Variants in ATXN7 observed in about 807,000 individuals in gnomAD.
ATXN7 encodes the protein ataxin-7.
Under a neutral mutation model 70.5 loss-of-function variants are expected in ATXN7, and 12 were observed. The ratio of observed to expected loss-of-function variants is 0.17; its 90% CI spans 0.11 to 0.28. The LOEUF (loss-of-function observed/expected upper bound fraction) is 0.28, where lower values mean the gene tolerates loss of function less well. ATXN7 is among the 10% of genes least tolerant of loss of function. The pLI is 1.00. For synonymous variants in ATXN7, 498 were observed against 448.7 expected (o/e 1.11, Z -1.39); for missense variants, 1,256 against 1,131.7 (o/e 1.11, Z -1.58).
intron 2 of ATXN7, among the ~76,000 whole-genome samples, chr3:63,907,154 A>C (rs1703864016): frequency 6.6e-6 from 1 of 152,116 alleles, no homozygotes; most frequent in Admixed American, 6.5e-5. Context: ...CTCTTGTTTT[A>C]CTCATTTTAT....
intron 12 of ATXN7, chr3:63,997,725 G>A (rs374711952): frequency 5.4e-5 from 83 of 1,549,422 alleles, no homozygotes; most frequent in Non-Finnish European, 5.6e-5. Context: ...CCCCTTCCTC[G>A]TCTTCAGAAC....
intron 12 of ATXN7, chr3:63,998,682 A>G (rs1328078977): frequency 1.0e-6 from 1 of 985,102 alleles, no homozygotes. Context: ...TCAAAGGATC[A>G]TTGAACCCCA....
intron 9 of ATXN7, among the ~76,000 whole-genome samples, chr3:63,988,909 A>C (rs1215822155): frequency 6.6e-6 from 1 of 152,200 alleles, no homozygotes; most frequent in Admixed American, 6.5e-5. Flanking sequence ...TACATACTGA[A>C]CCAAGTTGAA....
At chr3:63,982,058 TTCCAAGAGGCTGGCCC>T (rs60319950) in intron 6 of ATXN7, 112 bp from the exon 7 acceptor site, 22,339 of 1,302,164 alleles carry the variant, frequency 0.017, 701 homozygotes, top group African/African-American at 0.13. Context: ...ATAAGGAGCC[TTCCAAGAGGCTGGCCC>T]TGTGCAGCGC....
rs377592918 is a variant in ATXN7, at chr3:63,935,214, C to A, written c.395-17165C>A. ...TCAACAGTCACATTATGGAGGAGAT[C>A]ACTTACGGCGATTCCTGTGGCCCTG... is the stretch of plus-strand genomic sequence containing the variant. On this transcript the variant is annotated intron_variant, in intron 4 of 12. Transcript: ENST00000674280. Among the ~76,000 whole-genome samples, 14 of 152,240 alleles carry A rather than the reference C, an allele frequency of 9.2e-5. No homozygotes were observed. In the East Asian group the frequency reaches 1.5e-3, roughly 17 times the overall value.
At chr3:63,882,914 C>T (rs559094302) in intron 1 of ATXN7, among the ~76,000 whole-genome samples, 10 of 152,092 alleles carry the variant, frequency 6.6e-5, no homozygotes, top group Non-Finnish European at 1.3e-4. Context: ...TTAAAGAGCT[C>T]GTGGTGTGTG....
intron 4 of ATXN7, among the ~76,000 whole-genome samples, chr3:63,921,162 C>T (rs1440563546): frequency 6.6e-6 from 1 of 152,060 alleles, no homozygotes; most frequent in Non-Finnish European, 1.5e-5. Flanking sequence ...TAATAAAGAC[C>T]CTGCTAGCAT....
chr3:63,966,113 G>A (rs562921229), intron 5 of ATXN7, among the ~76,000 whole-genome samples: 13 of 152,172 alleles, frequency 8.5e-5, no homozygotes, highest in South Asian at 4.2e-4. Flanking sequence ...ACTGTATTTC[G>A]TACAATCACT....
At chr3:63,961,490 A>G (rs2075130687) in intron 5 of ATXN7, among the ~76,000 whole-genome samples, 1 of 152,104 alleles carries the variant, frequency 6.6e-6, no homozygotes, top group Admixed American at 6.6e-5. Context: ...GGTTTGTACT[A>G]CTGTGATTTG....
chr3:63,960,753 A>T (rs1222556437), intron 5 of ATXN7, among the ~76,000 whole-genome samples: 1 of 152,130 alleles, frequency 6.6e-6, no homozygotes, highest in Non-Finnish European at 1.5e-5. Flanking sequence ...AGGTGCACTG[A>T]CCTGAATAAA....
intron 5 of ATXN7, among the ~76,000 whole-genome samples, chr3:63,963,802 A>G (rs1312764026): frequency 1.3e-5 from 2 of 152,154 alleles, no homozygotes; most frequent in Non-Finnish European, 2.9e-5. Flanking sequence ...TGTGAACCAA[A>G]CAGCAGTACC....
chr3:63,951,518 G>A (rs981703648), intron 4 of ATXN7, among the ~76,000 whole-genome samples: 3 of 152,192 alleles, frequency 2.0e-5, no homozygotes, highest in East Asian at 1.9e-4. Flanking sequence ...TGAATGTAGT[G>A]TAAAATGCTG....
At chr3:63,959,413 A>G (rs1369170515) in intron 5 of ATXN7, among the ~76,000 whole-genome samples, 3 of 152,238 alleles carry the variant, frequency 2.0e-5, no homozygotes, top group Non-Finnish European at 2.9e-5. Flanking sequence ...GTCAAGGTGG[A>G]CATTAGTTTA....
chr3:63,867,515 G>T (rs916986946), intron 1 of ATXN7, among the ~76,000 whole-genome samples: 1 of 151,972 alleles, frequency 6.6e-6, no homozygotes, highest in African/African-American at 2.4e-5. Flanking sequence ...ATTCTAAAGA[G>T]AAAAAAACAT....
intron 1 of ATXN7, among the ~76,000 whole-genome samples, chr3:63,889,683 T>C (rs1056080118): frequency 2.0e-5 from 3 of 152,200 alleles, no homozygotes; most frequent in African/African-American, 4.8e-5. Flanking sequence ...GTCAAACCTA[T>C]AGCACTGAGC....
chr3:63,987,045 G>T (rs1193380767), intron 8 of ATXN7, among the ~76,000 whole-genome samples: 1 of 152,204 alleles, frequency 6.6e-6, no homozygotes, highest in South Asian at 2.1e-4. Context: ...TGAGATCTCA[G>T]CAGTATGGAA....
chr3:63,909,090 A>G (rs982986186), intron 2 of ATXN7, among the ~76,000 whole-genome samples: 1 of 152,216 alleles, frequency 6.6e-6, no homozygotes, highest in Non-Finnish European at 1.5e-5. Flanking sequence ...GTAGCAGGCA[A>G]TCAGGAATTG....
chr3:63,957,160 TGAA>T (rs2075053541), intron 5 of ATXN7, among the ~76,000 whole-genome samples: 1 of 152,232 alleles, frequency 6.6e-6, no homozygotes, highest in African/African-American at 2.4e-5. Flanking sequence ...AGTTTGCTTA[TGAA>T]GAATACCTTA....
intron 4 of ATXN7, among the ~76,000 whole-genome samples, chr3:63,922,912 C>T (rs1704562844): frequency 6.6e-6 from 1 of 152,134 alleles, no homozygotes; most frequent in African/African-American, 2.4e-5. Flanking sequence ...TGTAATCCCA[C>T]TCTGGGCCAA....
Sources: allele counts gnomAD v4.1 joint callset (sites outside exome capture counted in the v4.1 genomes callset), GRCh38; gene constraint gnomAD v4.1.1; transcripts MANE v1.5; gene names NCBI Gene and HGNC (gene_info 2026-07-23, HGNC 2026-07-21).